Variants in TANC1 observed in about 807,000 individuals in gnomAD.
TANC1 encodes the protein tetratricopeptide repeat, ankyrin repeat and coiled-coil containing 1, also known as protein TANC1.
TANC1 carries 77 observed loss-of-function variants against 149.7 expected under a neutral mutation model. The observed-to-expected ratio is 0.51, with a 90% CI of 0.43 to 0.62. The LOEUF is 0.62. Ranked by LOEUF, TANC1 falls within the 20% of genes least tolerant of loss-of-function variation. The probability of loss-of-function intolerance (pLI) is 0.00; values close to 1 mark genes in which losing one functional copy is unlikely to be tolerated. For synonymous variants in TANC1, 854 were observed against 925.0 expected (o/e 0.92, Z 1.39); for missense variants, 1,985 against 2,321.8 (o/e 0.85, Z 2.98).
At chr2:159,072,860 A>G (rs1397877599) in intron 3 of TANC1, among the ~76,000 whole-genome samples, 3 of 152,184 alleles carry the variant, frequency 2.0e-5, no homozygotes, top group South Asian at 2.1e-4. Context: ...GCTTCTTTCC[A>G]TGACTTCCTA....
At position 159,224,410 on chromosome 2, in the gene TANC1, C is replaced by T. The variant is rs767198644; in HGVS notation, c.3811+46C>T. 337 of 1,610,970 alleles carry T rather than the reference C, an allele frequency of 2.1e-4. 1 individual carries two copies. Among genetic ancestry groups the T allele is most frequent in the Non-Finnish European group, 1.2e-4 (139 of 1,178,154 alleles). The stretch of plus-strand genomic sequence containing the variant: ...TTGAGCAGGAGGAGCGGTGAGCTCC[C>T]GATTGTAGAAGCCTAGACAGCACAG... On this transcript the variant is annotated intron_variant, in intron 23 of 26. Transcript: ENST00000263635.
rs559952437 is a variant in TANC1, at chr2:159,016,051, A to G, written c.-16+14862A>G. On this transcript the variant is annotated intron_variant, in intron 2 of 26. Transcript: ENST00000263635. ...CAGTAGCACCCCACTCCTGGTACCA[A>G]TTTACTGAATTAGTCCATTTTCACA... 2.0e-4 allele frequency among the ~76,000 whole-genome samples: 30 copies of G among 152,272 alleles called. No individual in the cohort carries two copies. In the East Asian group the frequency reaches 2.9e-3, roughly 15 times the overall value.
intron 19 of TANC1, among the ~76,000 whole-genome samples, chr2:159,212,928 A>AG (rs1559469227): frequency 2.7e-5 from 3 of 112,458 alleles, no homozygotes; most frequent in African/African-American, 8.2e-5. Flanking sequence ...TCAAAAAAAA[A>AG]AAAAAAAAAA....
chr2:159,043,402 G>A (rs1230641186), intron 2 of TANC1, among the ~76,000 whole-genome samples: 8 of 152,112 alleles, frequency 5.3e-5, no homozygotes, highest in African/African-American at 2.4e-5. Context: ...GACCAGGGAC[G>A]TGCTCATAGG....
chr2:159,062,982 A>C (rs1260427949), intron 2 of TANC1, among the ~76,000 whole-genome samples: 1 of 146,120 alleles, frequency 6.8e-6, no homozygotes, highest in Non-Finnish European at 1.5e-5. Flanking sequence ...TCAAAAAAAA[A>C]AAAAAAAAAA....
chr2:159,062,828 G>A (rs1326944647), intron 2 of TANC1, among the ~76,000 whole-genome samples: 5 of 151,244 alleles, frequency 3.3e-5, no homozygotes, highest in Non-Finnish European at 5.9e-5. Flanking sequence ...TTAGCCGGGC[G>A]CGGTGGTGGG....
At chr2:159,003,894 G>A (rs1203671929) in intron 2 of TANC1, 2 of 1,612,654 alleles carry the variant, frequency 1.2e-6, no homozygotes, top group African/African-American at 2.7e-5. Flanking sequence ...CAGATAGGGG[G>A]CAAGGATACA....
intron 4 of TANC1, among the ~76,000 whole-genome samples, chr2:159,135,051 A>C (rs1328504274): frequency 6.6e-6 from 1 of 152,210 alleles, no homozygotes. Context: ...TAATTTTAGA[A>C]CATTTGGTCA....
chr2:159,203,218 T>C (rs1387805299), intron 19 of TANC1, among the ~76,000 whole-genome samples: 1 of 150,536 alleles, frequency 6.6e-6, no homozygotes, highest in African/African-American at 2.4e-5. Flanking sequence ...TCTTTTTTTT[T>C]TTTTTTTGAG....
rs377320307 is a variant in TANC1 at position 159,178,757 on chromosome 2, G to A, written c.2104G>A (p.Gly702Ser). 4 of 1,614,020 alleles carry A rather than the reference G, an allele frequency of 2.5e-6. No homozygotes were observed. Among genetic ancestry groups the A allele is most frequent in the Admixed American group, 1.7e-5 (1 of 60,000 alleles). The change falls in exon 14 of 27, where the codon GGC becomes AGC. Residue 702 changes from glycine to serine, a missense_variant. Gly to Ser is a moderately conservative substitution (Grantham distance 56). Transcript: ENST00000263635. ...CAGCCACCTGGTGCTGCGGAGCCTC[G>A]GCTCCTACCTGTACCTCAAGCTCAC... ...VSSHLVLRSL[G>S]SYLYLKLTLD...
intron 2 of TANC1, chr2:159,004,131 G>A (rs1014007825): frequency 6.1e-5 from 99 of 1,612,138 alleles, no homozygotes; most frequent in Non-Finnish European, 8.1e-5. Flanking sequence ...ACCAATCACA[G>A]AAATGCTTCC....
intron 2 of TANC1, chr2:159,060,209 T>C: frequency 3.7e-6 from 1 of 269,580 alleles, no homozygotes; most frequent in Non-Finnish European, 5.7e-6. Context: ...AATGTCTTAA[T>C]TAAGTGTACC....
chr2:159,002,618 C>T (rs1195142439), intron 2 of TANC1, among the ~76,000 whole-genome samples: 1 of 152,122 alleles, frequency 6.6e-6, no homozygotes, highest in Non-Finnish European at 1.5e-5. Context: ...CCTCTGGGTG[C>T]AGATGTGGGT....
chr2:159,185,697 C>T lies in TANC1; in HGVS notation c.2511-94C>T, dbSNP rs1452394295. On this transcript the variant is annotated intron_variant, in intron 14 of 26. Coordinates refer to ENST00000263635, the MANE Select transcript of TANC1 (RefSeq NM_033394.3). ...TTACATCTTTGTCACGGGCATAAATCAGTGACTAAGGCAATGGGTGGTGAA... is the reference window on the plus strand; with the variant it reads ...TTACATCTTTGTCACGGGCATAAATTAGTGACTAAGGCAATGGGTGGTGAA... The T allele has an allele frequency of 7.6e-6, 6 of 792,096 alleles. No individual in the cohort carries two copies. The East Asian group carries it at 1.3e-4, about 18-fold the overall frequency. 49.1% of individuals were successfully genotyped at this position (792,096 alleles called of 1,614,324 possible).
intron 3 of TANC1, among the ~76,000 whole-genome samples, chr2:159,083,131 G>T (rs1274699404): frequency 6.6e-6 from 1 of 152,010 alleles, no homozygotes; most frequent in Non-Finnish European, 1.5e-5. Flanking sequence ...TTTTAGTAGG[G>T]ATGGGGTTTC....
At chr2:159,062,952 C>T (rs1216648594) in intron 2 of TANC1, among the ~76,000 whole-genome samples, 2 of 84,760 alleles carry the variant, frequency 2.4e-5, no homozygotes, top group African/African-American at 8.0e-5. Flanking sequence ...CCGGCCTGGG[C>T]GACAGAGCGA....
Position 159,231,156 on chromosome 2 carries a change from T to C in TANC1, c.*144T>C. On this transcript the variant is annotated 3_prime_UTR_variant, in exon 27 of 27. Transcript: ENST00000263635. ...TCTGATGCCATTGATATATCTAAAA[T>C]GTGGGATAAAACTTCTTTAATAGCT... 2 of 629,054 alleles carry C rather than the reference T, an allele frequency of 3.2e-6. No individual in the cohort carries two copies. The highest frequency in any genetic ancestry group is 5.4e-6 in the Non-Finnish European group (2 of 367,344). 39.0% of individuals were successfully genotyped at this position (629,054 alleles called of 1,614,324 possible).
rs753143705 is a variant in TANC1 at position 159,199,024 on chromosome 2, A to G, written c.3215A>G (p.Asn1072Ser). ...GMEKEHEVEV[N>S]GTDTLWGETA... ...GAGAAGGAACATGAAGTAGAAGTCA[A>G]TGGCACCGACACATTGTGGGGAGAA... The change falls in exon 19 of 27, where the codon AAT (asparagine) becomes AGT (serine). Residue 1072 changes from asparagine to serine, a missense_variant. Transcript: ENST00000263635. 5 of 1,614,052 alleles carry G rather than the reference A, an allele frequency of 3.1e-6. No homozygotes were observed. The highest frequency in any genetic ancestry group is 2.7e-5 in the African/African-American group (2 of 75,040).
In TANC1 at chr2:159,122,639, A is replaced by C. The variant is rs576494708; in HGVS notation, c.260-13555A>C. Among the ~76,000 whole-genome samples, 22 of 152,080 alleles carry C rather than the reference A, an allele frequency of 1.4e-4. No homozygotes were observed. The South Asian group carries it at 3.9e-3, about 27-fold the overall frequency. ...CCCCTGAACTGTCCTCCAAACCTAT[A>C]GTTTTGCCTTTTCAGATGTCGTGTT... On this transcript the variant is annotated intron_variant, in intron 4 of 26. Transcript: ENST00000263635.
Sources: allele counts gnomAD v4.1 joint callset (sites outside exome capture counted in the v4.1 genomes callset), GRCh38; gene constraint gnomAD v4.1.1; transcripts MANE v1.5; gene names NCBI Gene and HGNC (gene_info 2026-07-23, HGNC 2026-07-21).